The following HDAC9 variants were observed in gnomAD, a reference collection of about 807,000 sequenced individuals.
HDAC9 encodes histone deacetylase 9.
A neutral mutation model predicts 139.4 loss-of-function variants in HDAC9; 41 were observed. That is an observed-to-expected ratio of 0.29 (90% CI 0.23 to 0.38). The LOEUF (loss-of-function observed/expected upper bound fraction) is 0.38, where lower values mean the gene tolerates loss of function less well. Ranked by LOEUF, HDAC9 falls within the 10% of genes least tolerant of loss-of-function variation. The pLI is 1.00. For missense variants in HDAC9, 1,147 were observed against 1,297.0 expected, an observed-to-expected ratio of 0.88 and a Z score of 1.78; for synonymous variants, 517 against 476.2, an observed-to-expected ratio of 1.09 and a Z score of -1.12.
intron 16 of HDAC9, among the ~76,000 whole-genome samples, chr7:18,791,042 C>G (rs1042900207): frequency 6.6e-6 from 1 of 152,168 alleles, no homozygotes; most frequent in Admixed American, 6.5e-5. Context: ...AAGGTATGGA[C>G]AGGCATATGG....
At chr7:18,699,339 T>C (rs949522967) in intron 12 of HDAC9, among the ~76,000 whole-genome samples, 1 of 151,988 alleles carries the variant, frequency 6.6e-6, no homozygotes, top group Admixed American at 6.6e-5. Flanking sequence ...GAGAGCAGTG[T>C]GGGCAGGGGA....
intron 1 of HDAC9, among the ~76,000 whole-genome samples, chr7:18,420,055 A>G (rs1451501222): frequency 6.6e-6 from 1 of 152,202 alleles, no homozygotes; most frequent in East Asian, 1.9e-4. Context: ...ATTGTTGGGA[A>G]AGAGAAGCGG....
chr7:18,602,805 G>A (rs929279391), intron 6 of HDAC9, among the ~76,000 whole-genome samples: 1 of 151,808 alleles, frequency 6.6e-6, no homozygotes, highest in African/African-American at 2.4e-5. Context: ...TTTCTATTGT[G>A]GGCTGAGAAA....
intron 17 of HDAC9, among the ~76,000 whole-genome samples, chr7:18,809,631 A>G (rs996425370): frequency 1.3e-5 from 2 of 151,986 alleles, no homozygotes; most frequent in Admixed American, 6.6e-5. Flanking sequence ...AAGATACTCA[A>G]CATCGCTAAT....
chr7:18,382,944 C>A (rs1243150289), intron 1 of HDAC9, among the ~76,000 whole-genome samples: 1 of 152,008 alleles, frequency 6.6e-6, no homozygotes, highest in Non-Finnish European at 1.5e-5. Flanking sequence ...CACATATTTT[C>A]TTTTTAATTT....
intron 12 of HDAC9, among the ~76,000 whole-genome samples, chr7:18,703,496 A>T (rs2129106419): frequency 6.6e-6 from 1 of 152,334 alleles, no homozygotes; most frequent in East Asian, 1.9e-4. Context: ...AGACAAATAT[A>T]TGTGAGAGTA....
chr7:18,727,903 G>T, intron 13 of HDAC9, 146 bp downstream of exon 13: 3 of 556,208 alleles, frequency 5.4e-6, no homozygotes, highest in Non-Finnish European at 3.0e-6. Context: ...GGTTATATTG[G>T]CTATAAGACA....
intron 2 of HDAC9, among the ~76,000 whole-genome samples, chr7:18,263,817 C>T (rs1284460072): frequency 6.6e-6 from 1 of 152,020 alleles, no homozygotes; most frequent in East Asian, 1.9e-4. Context: ...TGGGGTTTCG[C>T]CATGTTCACC....
intron 1 of HDAC9, among the ~76,000 whole-genome samples, chr7:18,098,777 A>T (rs544610461): frequency 2.0e-5 from 3 of 152,134 alleles, no homozygotes; most frequent in Non-Finnish European, 4.4e-5. Context: ...GGACTTGTAG[A>T]TGTGCTCTTG....
At position 18,832,479 on chromosome 7, in the gene HDAC9, C is replaced by T. The variant is rs576537934; in HGVS notation, c.2466+2931C>T. ...GTACAGCATCAATGTTTGCAGTATG[C>T]TTTTTAACCAGTAAAATATTTAAAC... On this transcript the variant is annotated intron_variant, in intron 19 of 25. Transcript: ENST00000686413. 5.3e-5 allele frequency among the ~76,000 whole-genome samples: 8 copies of T among 152,228 alleles called. No individual in the cohort carries two copies. In the South Asian group the frequency reaches 1.7e-3, roughly 32 times the overall value.
intron 2 of HDAC9, among the ~76,000 whole-genome samples, chr7:18,179,572 C>T (rs564509859): frequency 9.9e-5 from 15 of 152,254 alleles, no homozygotes; most frequent in African/African-American, 3.6e-4. Flanking sequence ...TACCCTCCCT[C>T]TCCTAAGGAA....
At chr7:18,454,283 T>C (rs1224190229) in intron 1 of HDAC9, among the ~76,000 whole-genome samples, 1 of 152,116 alleles carries the variant, frequency 6.6e-6, no homozygotes, top group Non-Finnish European at 1.5e-5. Flanking sequence ...TTTAGGTAGG[T>C]CACTCGAATT....
chr7:18,367,822 G>A (rs966660211), intron 1 of HDAC9, among the ~76,000 whole-genome samples: 5 of 152,006 alleles, frequency 3.3e-5, no homozygotes, highest in African/African-American at 9.7e-5. Context: ...GGCTGCTAGT[G>A]TTTCCCATGT....
At position 18,460,411 on chromosome 7, in the gene HDAC9, A is replaced by G. The variant is rs146630783; in HGVS notation, c.-41-35851A>G. On this transcript the variant is annotated intron_variant, in intron 1 of 3. Coordinates refer to the HDAC9 transcript ENST00000413509. ...ATAAAATTTTGTAGAATTATGGTAA[A>G]TAGCAACTGCATTTGAGGACCAAAA... Among the ~76,000 whole-genome samples, 8 of 152,234 alleles carry G rather than the reference A, an allele frequency of 5.3e-5. No homozygotes were observed. In the East Asian group the frequency reaches 1.5e-3, roughly 29 times the overall value.
intron 2 of HDAC9, among the ~76,000 whole-genome samples, chr7:18,249,471 C>G (rs1285757873): frequency 7.4e-6 from 1 of 135,868 alleles, no homozygotes; most frequent in Non-Finnish European, 1.5e-5. Context: ...CCACTGCACT[C>G]CAGCCTGAGC....
intron 21 of HDAC9, among the ~76,000 whole-genome samples, chr7:18,863,029 C>G (rs1042783783): frequency 5.3e-5 from 8 of 152,146 alleles, no homozygotes; most frequent in African/African-American, 1.9e-4. Context: ...CATCCCCATT[C>G]TGCTTTTGTG....
chr7:18,842,199 A>T lies in HDAC9; in HGVS notation c.2684+6202A>T, dbSNP rs183585839. ...TTGTTAGTGACAAGTAAATATATTA[A>T]GCTCATGATATCATGTATTTTCCCA... On this transcript the variant is annotated intron_variant, in intron 21 of 25. Coordinates refer to ENST00000686413, the MANE Select transcript of HDAC9 (RefSeq NM_178425.4). Among the ~76,000 whole-genome samples, 4 of 152,206 alleles carry T rather than the reference A, an allele frequency of 2.6e-5. No individual in the cohort carries two copies. In the East Asian group the frequency reaches 7.7e-4, roughly 29 times the overall value.
At chr7:18,398,454 TGA>T (rs1206869337) in intron 1 of HDAC9, among the ~76,000 whole-genome samples, 1 of 152,148 alleles carries the variant, frequency 6.6e-6, no homozygotes, top group East Asian at 1.9e-4. Flanking sequence ...GCCTTAGAGT[TGA>T]GTTTGTTTAT....
Position 18,920,626 on chromosome 7 carries a change from G to A in HDAC9, c.2804-15183G>A, listed in dbSNP as rs568766764. On this transcript the variant is annotated intron_variant, in intron 22 of 25. Coordinates refer to ENST00000686413, the MANE Select transcript of HDAC9 (RefSeq NM_178425.4). ...GTCCATTCAGTAAGATATTGGCTGT[G>A]GGTTTGTCATAGATAGCTCTTATTA... Among the ~76,000 whole-genome samples, 3 of 152,194 alleles carry A rather than the reference G, an allele frequency of 2.0e-5. No homozygotes were observed. In the South Asian group the frequency reaches 6.2e-4, roughly 32 times the overall value.
Sources: gnomAD v4.1 joint callset for allele counts (sites outside exome capture counted in the v4.1 genomes callset) on GRCh38, gnomAD v4.1.1 for gene constraint, MANE v1.5 for transcripts, NCBI Gene and HGNC (gene_info 2026-07-23, HGNC 2026-07-21) for gene names.